The following PEX5L variants were observed in gnomAD, a reference collection of about 807,000 sequenced individuals.
The protein encoded by PEX5L is peroxisomal biogenesis factor 5 like, also known as PEX5-related protein.
A neutral mutation model predicts 84.0 loss-of-function variants in PEX5L; 30 were observed. The observed-to-expected ratio is 0.36, with a 90% confidence interval of 0.27 to 0.48. The LOEUF is 0.48. PEX5L is among the 20% of genes least tolerant of loss of function. The pLI, the probability that PEX5L is intolerant of heterozygous loss-of-function variation, is 0.99. For synonymous variants in PEX5L, 270 were observed against 283.1 expected, an observed-to-expected ratio of 0.95 and a Z score of 0.46; for missense variants, 533 against 754.6, an observed-to-expected ratio of 0.71 and a Z score of 3.44.
rs181865116 is a variant in PEX5L, at chr3:179,823,101, T to C, written c.823-3125A>G. Reference sequence around the variant, plus strand: ...GTAAGTGTTCTTGCTAGTGTCTTTGTAGTATTGAGAAAAATATAGAGAATA... The same window carrying C: ...GTAAGTGTTCTTGCTAGTGTCTTTGCAGTATTGAGAAAAATATAGAGAATA... On this transcript the variant is annotated intron_variant, in intron 8 of 14. Coordinates refer to ENST00000467460, the MANE Select transcript of PEX5L (RefSeq NM_016559.3). Among the ~76,000 whole-genome samples the C allele has an allele frequency of 1.8e-3, 267 of 152,340 alleles. 2 individuals carry two copies. The highest frequency in any genetic ancestry group is 6.3e-3 in the African/African-American group (261 of 41,582).
chr3:179,957,004 G>A (rs1780745110), intron 2 of PEX5L, among the ~76,000 whole-genome samples: 1 of 151,882 alleles, frequency 6.6e-6, no homozygotes, highest in South Asian at 2.1e-4. Flanking sequence ...TGAAAATCCT[G>A]GAAAAAAATT....
At chr3:179,840,546 C>T (rs1032431999) in intron 8 of PEX5L, among the ~76,000 whole-genome samples, 10 of 152,070 alleles carry the variant, frequency 6.6e-5, no homozygotes, top group African/African-American at 2.4e-4. Flanking sequence ...CGAGAAGAGA[C>T]TCGGAGTGCT....
chr3:179,823,831 G>T (rs994674189), intron 8 of PEX5L, among the ~76,000 whole-genome samples: 2 of 152,118 alleles, frequency 1.3e-5, no homozygotes, highest in African/African-American at 2.4e-5. Flanking sequence ...AGCAGCTCAG[G>T]CATCTTTGTC....
chr3:179,805,146 CTTTTTT>C (rs777171015), intron 14 of PEX5L, among the ~76,000 whole-genome samples: 6,024 of 86,464 alleles, frequency 0.07, 494 homozygotes, highest in African/African-American at 0.22. Context: ...ACTCGATGGT[CTTTTTT>C]TTTTTTTTTT....
intron 8 of PEX5L, among the ~76,000 whole-genome samples, chr3:179,845,894 G>T (rs1273501490): frequency 1.3e-5 from 2 of 152,200 alleles, no homozygotes; most frequent in Non-Finnish European, 2.9e-5. Flanking sequence ...GATGGGCCAG[G>T]CGCGGTGGCT....
At position 179,898,193 on chromosome 3, in the gene PEX5L, T is replaced by C; in HGVS notation, c.147A>G (p.Ile49Met). Reference protein sequence around the residue: ...DKAVAMVMKEIPREESAEEKP... With the variant: ...DKAVAMVMKEMPREESAEEKP... ...TTTCTTCAGCAGACTCCTCCCTCGG[T>C]ATCTCCTTCATCACCATGGCAACAG... The change falls in exon 3 of 15, where the codon ATA becomes ATG. Residue 49 changes from isoleucine to methionine, a missense_variant. Physicochemically the swap from Ile to Met is conservative, Grantham distance 10. Transcript: ENST00000467460. The C allele has an allele frequency of 6.2e-7, 1 of 1,613,644 alleles. No individual in the cohort carries two copies. The highest frequency in any genetic ancestry group is 1.1e-5 in the South Asian group (1 of 91,066).
rs748002756 is a variant in PEX5L at position 179,808,452 on chromosome 3, A to C, written c.1353-15T>G. 2.1e-6 allele frequency: 3 copies of C among 1,435,206 alleles called. No individual in the cohort carries two copies. In the Admixed American group the frequency reaches 8.1e-5, roughly 39 times the overall value. 88.9% of individuals were successfully genotyped at this position (1,435,206 alleles called of 1,614,324 possible). A position where few individuals can be genotyped will look rare whatever the true frequency, so the allele number is the denominator to read the frequency against. On this transcript the variant is annotated splice_polypyrimidine_tract_variant and intron_variant, in intron 12 of 14. Coordinates refer to ENST00000467460, the MANE Select transcript of PEX5L (RefSeq NM_016559.3). ...CCAGAACAGAGCTACAAGAGAAAAA[A>C]AAAATTAGATTTGTAATCCAAATAG...
intron 1 of PEX5L, among the ~76,000 whole-genome samples, chr3:180,035,125 A>T (rs930504516): frequency 2.0e-5 from 3 of 152,076 alleles, no homozygotes. Context: ...TTGAGGGTTG[A>T]CTCTATTAAA....
At chr3:179,951,458 A>T (rs1472623089) in intron 2 of PEX5L, among the ~76,000 whole-genome samples, 1 of 151,530 alleles carries the variant, frequency 6.6e-6, no homozygotes, top group Non-Finnish European at 1.5e-5. Flanking sequence ...TTCTACAAAG[A>T]CTCCTTAAAA....
intron 5 of PEX5L, among the ~76,000 whole-genome samples, chr3:179,878,190 A>G (rs779615252): frequency 6.6e-6 from 1 of 152,208 alleles, no homozygotes; most frequent in African/African-American, 2.4e-5. Flanking sequence ...TCCATCTTCT[A>G]TCATGGAGCT....
At chr3:179,900,183 T>C (rs1224925337) in intron 2 of PEX5L, among the ~76,000 whole-genome samples, 1 of 152,178 alleles carries the variant, frequency 6.6e-6, no homozygotes, top group Non-Finnish European at 1.5e-5. Flanking sequence ...TAACAAATAT[T>C]TTTGCAGCTT....
At chr3:180,021,652 A>T (rs1405392045) in intron 1 of PEX5L, among the ~76,000 whole-genome samples, 2 of 152,188 alleles carry the variant, frequency 1.3e-5, no homozygotes, top group Admixed American at 1.3e-4. Context: ...AATCCAGAAA[A>T]ATAGGGGAAG....
intron 1 of PEX5L, among the ~76,000 whole-genome samples, chr3:180,030,350 T>C (rs73180054): frequency 0.12 from 18,666 of 152,206 alleles, 1,253 homozygotes; most frequent in African/African-American, 0.17. Context: ...AGAGGGCATC[T>C]TGCCAAACTG....
intron 2 of PEX5L, among the ~76,000 whole-genome samples, chr3:179,899,358 T>A (rs930703861): frequency 1.3e-5 from 2 of 152,106 alleles, no homozygotes; most frequent in Non-Finnish European, 2.9e-5. Context: ...ATATGAATAT[T>A]TGTGTTGTAA....
intron 1 of PEX5L, among the ~76,000 whole-genome samples, chr3:180,007,571 C>T (rs1033195850): frequency 1.3e-5 from 2 of 152,264 alleles, no homozygotes; most frequent in East Asian, 3.8e-4. Flanking sequence ...CCCTTCCACA[C>T]TGCCCTAGCA....
intron 2 of PEX5L, among the ~76,000 whole-genome samples, chr3:179,939,602 T>C (rs978222209): frequency 2.0e-5 from 3 of 152,166 alleles, no homozygotes; most frequent in Non-Finnish European, 4.4e-5. Context: ...GAGGAGAACT[T>C]AGAACATATA....
At chr3:179,817,932 T>C (rs1182065251) in intron 9 of PEX5L, among the ~76,000 whole-genome samples, 2 of 152,222 alleles carry the variant, frequency 1.3e-5, no homozygotes, top group East Asian at 1.9e-4. Context: ...ATCAATGTCC[T>C]GTGTTCTCAC....
intron 14 of PEX5L, 131 bp from the exon 15 acceptor site, chr3:179,802,163 G>A: frequency 1.5e-6 from 1 of 661,876 alleles, no homozygotes; most frequent in South Asian, 1.8e-5. Context: ...TGTTCTGGAT[G>A]ATCAAATGAA....
At chr3:179,891,784 C>A (rs1370555821) in intron 3 of PEX5L, among the ~76,000 whole-genome samples, 2 of 152,114 alleles carry the variant, frequency 1.3e-5, no homozygotes, top group African/African-American at 4.8e-5. Context: ...ATAGCTTTTT[C>A]CATCCCTTCC....
Sources: gnomAD v4.1 joint callset for allele counts (sites outside exome capture counted in the v4.1 genomes callset) on GRCh38, gnomAD v4.1.1 for gene constraint, MANE v1.5 for transcripts, NCBI Gene and HGNC (gene_info 2026-07-23, HGNC 2026-07-21) for gene names.